Variants in NKAIN3 observed in about 807,000 individuals in gnomAD.
The protein encoded by NKAIN3 is sodium/potassium-transporting ATPase subunit beta-1-interacting protein 3.
In NKAIN3, 25 loss-of-function variants were observed where a neutral mutation model predicts 30.2. The ratio of observed to expected loss-of-function variants is 0.83; its 90% CI spans 0.60 to 1.16. The LOEUF (loss-of-function observed/expected upper bound fraction) is 1.16. Among genes scored for constraint, NKAIN3 ranks in the 50% most tolerant of loss-of-function variants. The pLI, the probability that NKAIN3 is intolerant of heterozygous loss-of-function variation, is 0.00. For missense variants in NKAIN3, 225 were observed against 254.1 expected (o/e 0.89, Z 0.78); for synonymous variants, 91 against 89.6 (o/e 1.02, Z -0.09).
At chr8:62,276,710 G>A (rs995015831) in intron 1 of NKAIN3, among the ~76,000 whole-genome samples, 3 of 152,090 alleles carry the variant, frequency 2.0e-5, no homozygotes, top group African/African-American at 7.2e-5. Flanking sequence ...TGTTATGAAA[G>A]GTTAAACGTA....
chr8:62,610,429 T>A (rs528320985), intron 3 of NKAIN3, among the ~76,000 whole-genome samples: 11 of 151,742 alleles, frequency 7.2e-5, no homozygotes, highest in African/African-American at 2.4e-4. Context: ...AGTTCAAATA[T>A]CCAATTTCAA....
chr8:62,483,675 A>C, intron 1 of NKAIN3: 1 of 258,872 alleles, frequency 3.9e-6, no homozygotes, highest in South Asian at 5.7e-5. Context: ...GCCTTATCCT[A>C]TGGAGGTTGT....
At chr8:62,460,055 G>C (rs1384403635) in intron 1 of NKAIN3, among the ~76,000 whole-genome samples, 1 of 152,150 alleles carries the variant, frequency 6.6e-6, no homozygotes, top group African/African-American at 2.4e-5. Context: ...AAGAGAATGT[G>C]GTGGGACGCC....
chr8:62,880,471 T>A (rs2130812766), intron 4 of NKAIN3, among the ~76,000 whole-genome samples: 1 of 152,316 alleles, frequency 6.6e-6, no homozygotes, highest in Non-Finnish European at 1.5e-5. Context: ...GGCCCAAAAC[T>A]TAGCATGAAG....
chr8:62,328,061 A>G (rs1337987295), intron 1 of NKAIN3, among the ~76,000 whole-genome samples: 1 of 152,146 alleles, frequency 6.6e-6, no homozygotes, highest in Non-Finnish European at 1.5e-5. Flanking sequence ...TTTGCATTGC[A>G]TACTGATCCA....
At chr8:62,776,065 TTGCCTGATATAAATA>T (rs1817182288) in intron 4 of NKAIN3, among the ~76,000 whole-genome samples, 1 of 152,096 alleles carries the variant, frequency 6.6e-6, no homozygotes, top group African/African-American at 2.4e-5. Flanking sequence ...TGAAACTTAT[TTGCCTGATATAAATA>T]TGCCTACTCC....
At chr8:62,665,017 A>G (rs1221824597) in intron 3 of NKAIN3, among the ~76,000 whole-genome samples, 1 of 152,116 alleles carries the variant, frequency 6.6e-6, no homozygotes, top group East Asian at 1.9e-4. Context: ...TTATTCTACG[A>G]TCTTGTGGCT....
chr8:62,580,168 T>C (rs1810246856), intron 2 of NKAIN3, among the ~76,000 whole-genome samples: 1 of 152,174 alleles, frequency 6.6e-6, no homozygotes, highest in South Asian at 2.1e-4. Flanking sequence ...GGATGGATAT[T>C]TGGTACACAT....
At chr8:62,518,690 A>G (rs1251706699) in intron 1 of NKAIN3, among the ~76,000 whole-genome samples, 4 of 152,176 alleles carry the variant, frequency 2.6e-5, no homozygotes, top group East Asian at 3.9e-4. Context: ...AACACATAAA[A>G]TTGCTTTTTA....
At chr8:62,255,875 T>C (rs533387584) in intron 1 of NKAIN3, among the ~76,000 whole-genome samples, 1 of 152,202 alleles carries the variant, frequency 6.6e-6, no homozygotes, top group South Asian at 2.1e-4. Flanking sequence ...CCAGGATCTA[T>C]TGGATAGAAA....
At chr8:62,499,328 C>T (rs1229721599) in intron 1 of NKAIN3, among the ~76,000 whole-genome samples, 7 of 151,938 alleles carry the variant, frequency 4.6e-5, no homozygotes, top group Non-Finnish European at 7.4e-5. Flanking sequence ...AAACCAACTT[C>T]GCAGTACTCA....
intron 4 of NKAIN3, among the ~76,000 whole-genome samples, chr8:62,826,450 A>G (rs1016061079): frequency 4.6e-5 from 7 of 152,206 alleles, no homozygotes; most frequent in Non-Finnish European, 1.0e-4. Flanking sequence ...ATTCAGAATT[A>G]TTAAGTTCTC....
chr8:62,879,259 C>G (rs10957250), intron 4 of NKAIN3, among the ~76,000 whole-genome samples: 106,085 of 152,014 alleles, frequency 0.7, 37,750 homozygotes, highest in African/African-American at 0.8. Context: ...TCTTTGATGG[C>G]CAGTGATGAT....
intron 1 of NKAIN3, among the ~76,000 whole-genome samples, chr8:62,354,651 C>T (rs556570502): frequency 6.6e-6 from 1 of 152,248 alleles, no homozygotes; most frequent in East Asian, 1.9e-4. Context: ...CCATGTTGGC[C>T]AGGCTGGTCT....
intron 1 of NKAIN3, among the ~76,000 whole-genome samples, chr8:62,531,109 C>T (rs1808475338): frequency 6.6e-6 from 1 of 152,126 alleles, no homozygotes; most frequent in Non-Finnish European, 1.5e-5. Context: ...CAGAGAGCCA[C>T]AGTCGGGGGC....
intron 1 of NKAIN3, among the ~76,000 whole-genome samples, chr8:62,553,660 C>T (rs1244817934): frequency 6.6e-6 from 1 of 151,942 alleles, no homozygotes; most frequent in Non-Finnish European, 1.5e-5. Context: ...CCTCAGCCTC[C>T]CGAACAGCTG....
intron 1 of NKAIN3, among the ~76,000 whole-genome samples, chr8:62,543,606 T>C (rs1808911949): frequency 6.6e-6 from 1 of 152,166 alleles, no homozygotes; most frequent in Non-Finnish European, 1.5e-5. Flanking sequence ...TAGAGTGTAA[T>C]AGTTCATGGG....
chr8:62,640,540 A>G (rs1812277233), intron 3 of NKAIN3, among the ~76,000 whole-genome samples: 1 of 152,148 alleles, frequency 6.6e-6, no homozygotes, highest in Non-Finnish European at 1.5e-5. Context: ...AGTATCTCAT[A>G]AAGATTTGTG....
chr8:62,437,532 T>TA (rs1805205753), intron 1 of NKAIN3, among the ~76,000 whole-genome samples: 2 of 152,200 alleles, frequency 1.3e-5, no homozygotes, highest in Non-Finnish European at 2.9e-5. Flanking sequence ...AGGAATGACT[T>TA]ATAGATGCTG....
Sources: gnomAD v4.1 joint callset for allele counts (sites outside exome capture counted in the v4.1 genomes callset) on GRCh38, gnomAD v4.1.1 for gene constraint, MANE v1.5 for transcripts, NCBI Gene and HGNC (gene_info 2026-07-23, HGNC 2026-07-21) for gene names.